The following CLCN2 variants were observed in gnomAD, a reference collection of about 807,000 sequenced individuals.
The protein encoded by CLCN2 is chloride channel protein 2.
Under a neutral mutation model 108.3 loss-of-function variants are expected in CLCN2, and 72 were observed. The ratio of observed to expected loss-of-function variants is 0.66; its 90% CI spans 0.55 to 0.81. The LOEUF is 0.81. Among genes scored for constraint, CLCN2 ranks in the 30% least tolerant of loss-of-function variants. The pLI, the probability that CLCN2 is intolerant of heterozygous loss-of-function variation, is 0.00. For missense variants in CLCN2, 1,048 were observed against 1,205.2 expected (o/e 0.87, Z 1.93); for synonymous variants, 471 against 467.1 (o/e 1.01, Z -0.11).
rs967108615 is a variant in CLCN2, at chr3:184,361,399, C to T, written c.63+18G>A. ...GGTCCCGGAGCGCACTCCTGGGGCT[C>T]AGCTCAGCTTCACTTACCAGGGTCT... On this transcript the variant is annotated intron_variant, in intron 1 of 23. Coordinates refer to ENST00000265593, the MANE Select transcript of CLCN2 (RefSeq NM_004366.6). This position sits in a 1 kb window ranked among gnomAD's most constrained non-coding sequence, Gnocchi z 6.6. The T allele has an allele frequency of 7.4e-6, 12 of 1,613,216 alleles. No individual in the cohort carries two copies. The highest frequency in any genetic ancestry group is 1.0e-5 in the Non-Finnish European group (12 of 1,179,602).
intron 10 of CLCN2, chr3:184,356,339 G>C (rs1031623458): frequency 6.5e-5 from 11 of 168,396 alleles, no homozygotes; most frequent in African/African-American, 2.4e-4. Context: ...CTGTGTTCTG[G>C]AGATTAAAAA....
intron 22 of CLCN2, chr3:184,348,564 C>G (rs1264351199): frequency 6.6e-6 from 1 of 151,144 alleles, no homozygotes; most frequent in African/African-American, 2.4e-5. Flanking sequence ...GTTAGCGATT[C>G]CTTCTGGCTA....
chr3:184,357,732 T>G (rs776559116), intron 6 of CLCN2, 34 bp from the exon 7 acceptor site: 67 of 1,613,766 alleles, frequency 4.2e-5, no homozygotes, highest in Non-Finnish European at 5.4e-5. Flanking sequence ...GGGTCAGCTG[T>G]GGGCTCAGCA....
In CLCN2 at chr3:184,354,196, G is replaced by A. The variant is rs115803480; in HGVS notation, c.1626C>T (p.Asn542=). The A allele has an allele frequency of 0.028, 45,166 of 1,613,426 alleles. 688 individuals are homozygous for A. The highest frequency in any genetic ancestry group is 0.034 in the Non-Finnish European group (39,784 of 1,179,932). Residue 542 remains asparagine (N), a synonymous_variant, in exon 15 of 24, where the codon AAC becomes AAT. Transcript: ENST00000265593. Reference sequence around the variant, plus strand: ...AGGGCTGCAGACTCTGGGCGACAGCGTTGGCCAGGATGACGGCGATCATGA... The same window carrying A: ...AGGGCTGCAGACTCTGGGCGACAGCATTGGCCAGGATGACGGCGATCATGA... ...LPVMIAVILA[N]AVAQSLQPSL... is the part of the protein sequence containing the mutation.
chr3:184,347,083 CCACAGGGGCCCA>C, intron 22 of CLCN2, 62 bp from the exon 23 acceptor site: 1 of 1,389,350 alleles, frequency 7.2e-7, no homozygotes, highest in East Asian at 2.3e-5. Flanking sequence ...AAATGACAGG[CCACAGGGGCCCA>C]GGACAAGGTT....
intron 1 of CLCN2, among the ~76,000 whole-genome samples, chr3:184,359,486 G>C (rs57704593): frequency 0.2 from 29,781 of 152,146 alleles, 4,150 homozygotes; most frequent in African/African-American, 0.4. Context: ...GTGGGAGGCG[G>C]GAAGGCCAGG....
intron 5 of CLCN2, 44 bp from the exon 6 acceptor site, chr3:184,357,900 G>T: frequency 6.2e-7 from 1 of 1,613,430 alleles, no homozygotes; most frequent in South Asian, 1.1e-5. Context: ...GGCCCGCCCT[G>T]ACCTTGGCCT....
rs1728432707 is a variant in CLCN2, at chr3:184,354,936, G to A, written c.1364C>T (p.Pro455Leu). The change falls in exon 13 of 24, where the codon CCC becomes CTC. Residue 455 changes from proline to leucine, a missense_variant. Pro to Leu is a moderately conservative substitution (Grantham distance 98, BLOSUM62 -3). Transcript: ENST00000265593. ...MSALATTIPV[P>L]CGAFMPVFVI... The stretch of plus-strand genomic sequence containing the variant: ...AAAGACAGGCATGAAGGCCCCACAG[G>A]GAACTGGGATGGTGGTGGCCAGTGC... The A allele has an allele frequency of 6.2e-7, 1 of 1,613,944 alleles. No individual in the cohort carries two copies. The highest frequency in any genetic ancestry group is 1.3e-5 in the African/African-American group (1 of 74,930).
Position 184,354,180 on chromosome 3 carries a change from G to C in CLCN2, c.1642C>G (p.Leu548Val). The C allele has an allele frequency of 6.2e-7, 1 of 1,613,444 alleles. No individual in the cohort carries two copies. Among genetic ancestry groups the C allele is most frequent in the Non-Finnish European group, 8.5e-7 (1 of 1,179,982 alleles). The change falls in exon 15 of 24, where the codon CTG (leucine) becomes GTG (valine). Residue 548 changes from leucine to valine, a missense_variant. Transcript: ENST00000265593. ...ATGCTGTCATAGAGGGAGGGCTGCA[G>C]ACTCTGGGCGACAGCGTTGGCCAGG... ...VILANAVAQS[L>V]QPSLYDSIIR...
intron 1 of CLCN2, among the ~76,000 whole-genome samples, 186 bp from the exon 2 acceptor site, chr3:184,359,317 G>C (rs1711678050): frequency 6.6e-6 from 1 of 152,218 alleles, no homozygotes; most frequent in Admixed American, 6.5e-5. Context: ...GGCTGTCCTG[G>C]CCAGAGTGAT....
Position 184,358,273 on chromosome 3 carries a change from G to A in CLCN2, c.390C>T (p.Ile130=). The change falls in exon 4 of 24, where the codon ATC becomes ATT. Residue 130 remains isoleucine, a synonymous_variant. Transcript: ENST00000265593. ...TGACCCAGGCCAGGTACTGGAGCAA[G>A]ATGCTGGTGTTCAAGCCCCGGGACA... The part of the protein sequence containing the change: ...QWMSRGLNTS[I]LLQYLAWVTY... 1.2e-6 allele frequency: 2 copies of A among 1,614,168 alleles called. No homozygotes were observed. Among genetic ancestry groups the A allele is most frequent in the Non-Finnish European group, 1.7e-6 (2 of 1,180,042 alleles).
chr3:184,351,014 T>C (rs898913347), intron 22 of CLCN2, among the ~76,000 whole-genome samples: 1 of 152,166 alleles, frequency 6.6e-6, no homozygotes, highest in African/African-American at 2.4e-5. Context: ...GCCTATTACC[T>C]TTTTTCTTGC....
Position 184,354,141 on chromosome 3 carries a change from T to G in CLCN2, c.1681A>C (p.Lys561Gln). The G allele has an allele frequency of 6.2e-7, 1 of 1,612,598 alleles. No individual in the cohort carries two copies. The highest frequency in any genetic ancestry group is 1.1e-5 in the South Asian group (1 of 90,996). ...CCGAGCTCAGGCAGGTAGGGCAGTT[T>G]CTTGATTCGGATGATGCTGTCATAG... ...SLYDSIIRIK[K>Q]LPYLPELGWG... Residue 561 changes from lysine (K) to glutamine (Q), a missense_variant, in exon 15 of 24, where the codon AAA (lysine) becomes CAA (glutamine). Physicochemically the swap from Lys to Gln is moderately conservative, Grantham distance 53. Coordinates refer to ENST00000265593, the MANE Select transcript of CLCN2 (RefSeq NM_004366.6).
rs1358773420 is a variant in CLCN2, at chr3:184,361,443, G to A, written c.37C>T (p.Arg13Trp). The A allele has an allele frequency of 9.3e-6, 15 of 1,613,238 alleles. No homozygotes were observed. In the African/African-American group the frequency reaches 1.1e-4, roughly 11 times the overall value. ...AAAAEEGMEP[R>W]ALQYEQTLMY... ...AGGGTCTGCTCGTACTGCAGCGCCC[G>A]TGGCTCCATCCCTTCCTCCGCCGCC... The change falls in exon 1 of 24, where the codon CGG (arginine) becomes TGG (tryptophan). Residue 13 changes from arginine (R) to tryptophan (W), a missense_variant. Transcript: ENST00000265593. The surrounding 1 kb of genome is among the most constrained non-coding windows in gnomAD (Gnocchi z 6.6).
chr3:184,352,206 C>T (rs1177702129), intron 21 of CLCN2, 87 bp downstream of exon 21: 22 of 1,601,982 alleles, frequency 1.4e-5, no homozygotes, highest in South Asian at 6.6e-5. Context: ...TTTCCAACCC[C>T]GTGGTCCCTC....
Position 184,346,661 on chromosome 3 carries a change from C to T in CLCN2, c.2642G>A (p.Arg881His), listed in dbSNP as rs199616806. ...EVHALWGPHS[R>H]HGLPREGSPS... ...GCTGCCCTCCCGGGGGAGGCCATGACGGGAGTGGGGCCCCCAGAGTGCATG... is the reference window on the plus strand; with the variant it reads ...GCTGCCCTCCCGGGGGAGGCCATGATGGGAGTGGGGCCCCCAGAGTGCATG... The change falls in exon 24 of 24, where the codon CGT becomes CAT. Residue 881 changes from arginine to histidine, a missense_variant. Physicochemically the swap from Arg to His is conservative, Grantham distance 29. Coordinates refer to ENST00000265593, the MANE Select transcript of CLCN2 (RefSeq NM_004366.6). The surrounding 1 kb of genome is among the most constrained non-coding windows in gnomAD (Gnocchi z 6.0). 6.3e-5 allele frequency: 102 copies of T among 1,614,046 alleles called. No individual in the cohort carries two copies. Among genetic ancestry groups the T allele is most frequent in the Admixed American group, 1.0e-4 (6 of 60,006 alleles).
chr3:184,353,785 C>G lies in CLCN2; in HGVS notation c.1732G>C (p.Val578Leu). The change falls in exon 16 of 24, where the codon GTG becomes CTG. Residue 578 changes from valine to leucine, a missense_variant. Val to Leu is a conservative substitution (Grantham distance 32). Coordinates refer to ENST00000265593, the MANE Select transcript of CLCN2 (RefSeq NM_004366.6). ...LGWGRHQQYR[V>L]RVEDIMVRDV... is the part of the protein sequence containing the mutation. ...CGCACCATGATGTCCTCCACACGCA[C>G]CCGGTACTGCCTGGGGGCCGAGAGA... 6.2e-7 allele frequency: 1 copy of G among 1,606,174 alleles called. No individual in the cohort carries two copies. Among genetic ancestry groups the G allele is most frequent in the Non-Finnish European group, 8.5e-7 (1 of 1,176,972 alleles).
intron 15 of CLCN2, 25 bp downstream of exon 15, chr3:184,354,076 C>A (rs538550244): frequency 6.2e-7 from 1 of 1,607,578 alleles, no homozygotes; most frequent in South Asian, 1.1e-5. Context: ...CACCCACAGC[C>A]CCCTTGGCAC....
intron 14 of CLCN2, 58 bp from the exon 15 acceptor site, chr3:184,354,372 A>G (rs544135696): frequency 1.3e-6 from 2 of 1,557,992 alleles, no homozygotes; most frequent in African/African-American, 1.4e-5. Context: ...GACCCTCCAC[A>G]ACCAGGGCAG....
Sources: gnomAD v4.1 joint callset for allele counts (sites outside exome capture counted in the v4.1 genomes callset) on GRCh38, gnomAD v4.1.1 for gene constraint, Gnocchi (gnomAD v3.1) non-coding constraint, MANE v1.5 for transcripts, NCBI Gene and HGNC (gene_info 2026-07-23, HGNC 2026-07-21) for gene names.